KLHL42: variants seen among roughly 807,000 people sequenced by gnomAD.
The protein encoded by KLHL42 is kelch like family member 42.
KLHL42 carries 27 observed loss-of-function variants against 32.7 expected under a neutral mutation model. The observed-to-expected ratio is 0.83, with a 90% CI of 0.61 to 1.14. KLHL42 has a LOEUF of 1.14. Among genes scored for constraint, KLHL42 ranks in the 50% most tolerant of loss-of-function variants. The pLI, the probability that KLHL42 is intolerant of heterozygous loss-of-function variation, is 0.00. For synonymous variants in KLHL42, 267 were observed against 248.2 expected (o/e 1.08, Z -0.71); for missense variants, 491 against 560.8 (o/e 0.88, Z 1.26).
chr12:27,799,162 CTAAGG>C lies in KLHL42; in HGVS notation c.*1002_*1006del, dbSNP rs2062233103. The C allele has an allele frequency of 6.6e-6, 1 of 152,328 alleles. No homozygotes were observed. The highest frequency in any genetic ancestry group is 2.4e-5 in the African/African-American group (1 of 41,412). The allele number at this position is 152,328 out of a possible 1,614,324, so 9.4% of individuals were successfully genotyped here. A position where few individuals can be genotyped will look rare whatever the true frequency, so the allele number is the denominator to read the frequency against. On this transcript the variant is annotated 3_prime_UTR_variant, in exon 3 of 3. Coordinates refer to ENST00000381271, the MANE Select transcript of KLHL42 (RefSeq NM_020782.2). Reference sequence around the variant, plus strand: ...GTAATTCATGTTTTGCTTTTGTGGACTAAGGTAAGGACAGCATTTAAATATTTGTG... The same window carrying C: ...GTAATTCATGTTTTGCTTTTGTGGACTAAGGACAGCATTTAAATATTTGTG...
chr12:27,785,689 C>G (rs926841346), intron 1 of KLHL42, among the ~76,000 whole-genome samples: 1 of 152,046 alleles, frequency 6.6e-6, no homozygotes, highest in Admixed American at 6.6e-5. Context: ...AATTGAAATT[C>G]TCTGTTGTTG....
rs892317906 is a variant in KLHL42, at chr12:27,799,968, A to G, written c.*1802A>G. 1.8e-5 allele frequency: 16 copies of G among 892,576 alleles called. No homozygotes were observed. Among genetic ancestry groups the G allele is most frequent in the South Asian group, 5.2e-5 (1 of 19,318 alleles). The allele number at this position is 892,576 out of a possible 1,614,324, so 55.3% of individuals were successfully genotyped here. The stretch of plus-strand genomic sequence containing the variant: ...AATCTTCCCAGGAATAGTACTTAAT[A>G]GATTTTAATGTTAATTTATATTCAT... On this transcript the variant is annotated 3_prime_UTR_variant, in exon 3 of 3. Transcript: ENST00000381271.
rs1048428456 is a variant in KLHL42 at position 27,800,048 on chromosome 12, A to G, written c.*1882A>G. 9 of 958,356 alleles carry G rather than the reference A, an allele frequency of 9.4e-6. No homozygotes were observed. The South Asian group carries it at 1.4e-4, about 15-fold the overall frequency. 59.4% of individuals were successfully genotyped at this position (958,356 alleles called of 1,614,324 possible). A position where few individuals can be genotyped will look rare whatever the true frequency, so the allele number is the denominator to read the frequency against. On this transcript the variant is annotated 3_prime_UTR_variant, in exon 3 of 3. Coordinates refer to ENST00000381271, the MANE Select transcript of KLHL42 (RefSeq NM_020782.2). The stretch of plus-strand genomic sequence containing the variant: ...TTTCATTACATATATTTTAAAATCT[A>G]TTTATTTTAGATGGTGTTAACTTTT...
intron 1 of KLHL42, among the ~76,000 whole-genome samples, chr12:27,784,363 G>A (rs1213191103): frequency 6.6e-6 from 1 of 150,682 alleles, no homozygotes; most frequent in African/African-American, 2.4e-5. Flanking sequence ...GCATGGTCTC[G>A]ATCTCCTGAC....
At chr12:27,796,383 G>A (rs1056249012) in intron 2 of KLHL42, among the ~76,000 whole-genome samples, 3 of 151,664 alleles carry the variant, frequency 2.0e-5, no homozygotes, top group Admixed American at 6.5e-5. Context: ...GGCTTTAGTC[G>A]TCTGCCAGTT....
chr12:27,792,299 A>G (rs543246861), intron 2 of KLHL42, among the ~76,000 whole-genome samples: 2 of 152,198 alleles, frequency 1.3e-5, no homozygotes, highest in South Asian at 4.2e-4. Flanking sequence ...CCAAACATAC[A>G]CCAAACCTGC....
Position 27,792,028 on chromosome 12 carries a change from T to C in KLHL42, c.1066+127T>C. The C allele has an allele frequency of 4.2e-6, 3 of 708,532 alleles. No individual in the cohort carries two copies. The South Asian group carries it at 5.4e-5, about 13-fold the overall frequency. The allele number at this position is 708,532 out of a possible 1,614,324, so 43.9% of individuals were successfully genotyped here. A position where few individuals can be genotyped will look rare whatever the true frequency, so the allele number is the denominator to read the frequency against. On this transcript the variant is annotated intron_variant, in intron 2 of 2. Transcript: ENST00000381271. ...ATGTTATGCTTTAATAGTGTACACTTACACATCTGGAAGGAAGAGAGTTCC... is the reference window on the plus strand; with the variant it reads ...ATGTTATGCTTTAATAGTGTACACTCACACATCTGGAAGGAAGAGAGTTCC...
At chr12:27,781,307 G>A in intron 1 of KLHL42, 105 bp downstream of exon 1, 2 of 1,296,616 alleles carry the variant, frequency 1.5e-6, no homozygotes, top group East Asian at 2.5e-5. Flanking sequence ...GGTGTGCTGT[G>A]GTGGAAATGA....
rs1215802894 is a variant in KLHL42, at chr12:27,801,340, G to A, written c.*3174G>A. The A allele has an allele frequency of 6.6e-6, 1 of 152,118 alleles. No individual in the cohort carries two copies. The highest frequency in any genetic ancestry group is 2.4e-5 in the African/African-American group (1 of 41,408). The allele number at this position is 152,118 out of a possible 1,614,324, so 9.4% of individuals were successfully genotyped here. A position where few individuals can be genotyped will look rare whatever the true frequency, so the allele number is the denominator to read the frequency against. On this transcript the variant is annotated 3_prime_UTR_variant, in exon 3 of 3. Coordinates refer to ENST00000381271, the MANE Select transcript of KLHL42 (RefSeq NM_020782.2). ...AAGTAAATACCTGTTCTCTTTCAAT[G>A]GACTGTTGCCTATTGAGCATTGTGG...
intron 1 of KLHL42, among the ~76,000 whole-genome samples, chr12:27,785,896 A>G (rs919065250): frequency 1.3e-5 from 2 of 152,234 alleles, no homozygotes; most frequent in African/African-American, 4.8e-5. Flanking sequence ...CACTATAGTG[A>G]ACATTTTTAC....
intron 2 of KLHL42, chr12:27,797,392 T>A: frequency 2.0e-6 from 1 of 502,846 alleles, no homozygotes; most frequent in South Asian, 1.5e-5. Flanking sequence ...GCACTTACTT[T>A]TTTTACACTG....
chr12:27,781,272 T>C, intron 1 of KLHL42, 70 bp downstream of exon 1: 1 of 1,521,826 alleles, frequency 6.6e-7, no homozygotes, highest in Non-Finnish European at 8.9e-7. Flanking sequence ...TACCCCAGTG[T>C]TTACTGAGCC....
chr12:27,799,648 A>G lies in KLHL42; in HGVS notation c.*1482A>G, dbSNP rs570995789. The stretch of plus-strand genomic sequence containing the variant: ...TGCAGATGTAGGACAGGGGCTAATC[A>G]CTTAGAGTTCTTCAGTTTATTAGAG... On this transcript the variant is annotated 3_prime_UTR_variant, in exon 3 of 3. Transcript: ENST00000381271. 6.5e-6 allele frequency: 1 copy of G among 152,734 alleles called. No individual in the cohort carries two copies. Among genetic ancestry groups the G allele is most frequent in the Non-Finnish European group, 1.5e-5 (1 of 68,016 alleles). 9.5% of individuals were successfully genotyped at this position (152,734 alleles called of 1,614,324 possible).
intron 1 of KLHL42, among the ~76,000 whole-genome samples, chr12:27,785,664 A>G (rs1428615641): frequency 6.6e-6 from 1 of 152,132 alleles, no homozygotes; most frequent in Non-Finnish European, 1.5e-5. Context: ...CATCTCATGC[A>G]CATTCCCCGA....
Position 27,780,606 on chromosome 12 carries a change from G to T in KLHL42, c.276G>T (p.Glu92Asp). Residue 92 changes from glutamate to aspartate, a missense_variant, in exon 1 of 3, where the codon GAG (glutamate) becomes GAT (aspartate). Coordinates refer to ENST00000381271, the MANE Select transcript of KLHL42 (RefSeq NM_020782.2). The surrounding 1 kb of genome is among the most constrained non-coding windows in gnomAD (Gnocchi z 8.8). The stretch of plus-strand genomic sequence containing the variant: ...GGGAAAAGGGCGGCGGGGTGGACGA[G>T]GACGAGGAGATGGATGAGGTGAGCC... ...PRGEKGGGVD[E>D]DEEMDEVSLL... 6.4e-7 allele frequency: 1 copy of T among 1,551,124 alleles called. No homozygotes were observed. The highest frequency in any genetic ancestry group is 8.7e-7 in the Non-Finnish European group (1 of 1,150,208).
intron 1 of KLHL42, among the ~76,000 whole-genome samples, chr12:27,786,352 T>G (rs981135013): frequency 6.6e-6 from 1 of 152,234 alleles, no homozygotes; most frequent in African/African-American, 2.4e-5. Context: ...AGCATTCTTC[T>G]AGTCACTGTT....
At chr12:27,791,649 G>GTT (rs1565483558) in intron 1 of KLHL42, 59 bp from the exon 2 acceptor site, 1 of 1,424,692 alleles carries the variant, frequency 7.0e-7, no homozygotes, top group Non-Finnish European at 9.8e-7. Context: ...TCATGCCATT[G>GTT]TTACACTTTT....
chr12:27,795,954 C>G (rs1467307150), intron 2 of KLHL42, among the ~76,000 whole-genome samples: 1 of 152,128 alleles, frequency 6.6e-6, no homozygotes, highest in African/African-American at 2.4e-5. Flanking sequence ...TACGTGGAAG[C>G]CTCACTAGAA....
intron 2 of KLHL42, chr12:27,797,142 A>T (rs991605269): frequency 2.9e-5 from 12 of 414,600 alleles, no homozygotes; most frequent in Non-Finnish European, 5.2e-5. Context: ...AACAAAAAAA[A>T]AACTGGAAAC....
Sources: allele counts gnomAD v4.1 joint callset (sites outside exome capture counted in the v4.1 genomes callset), GRCh38; gene constraint gnomAD v4.1.1; non-coding constraint Gnocchi (gnomAD v3.1); transcripts MANE v1.5; gene names NCBI Gene and HGNC (gene_info 2026-07-23, HGNC 2026-07-21).